The following LHX4 variants were observed in gnomAD, a reference collection of about 807,000 sequenced individuals.
The protein encoded by LHX4 is LIM/homeobox protein Lhx4.
A neutral mutation model predicts 39.2 loss-of-function variants in LHX4; 16 were observed. The ratio of observed to expected loss-of-function variants is 0.41; its 90% CI spans 0.28 to 0.62. The LOEUF is 0.62. LHX4 is among the 20% of genes least tolerant of loss of function. The pLI is 0.33. For missense variants in LHX4, 439 were observed against 511.9 expected, an observed-to-expected ratio of 0.86 and a Z score of 1.37; for synonymous variants, 206 against 198.1, an observed-to-expected ratio of 1.04 and a Z score of -0.33.
At chr1:180,258,416 A>G (rs1647960428) in intron 2 of LHX4, among the ~76,000 whole-genome samples, 1 of 152,164 alleles carries the variant, frequency 6.6e-6, no homozygotes, top group African/African-American at 2.4e-5. Flanking sequence ...GGTGGCCGTT[A>G]GGGAGCCTGT....
At chr1:180,274,155 G>A in intron 5 of LHX4, 30 bp from the exon 6 acceptor site, 1 of 1,613,992 alleles carries the variant, frequency 6.2e-7, no homozygotes, top group Non-Finnish European at 8.5e-7. Flanking sequence ...CCTGGCAGCT[G>A]ACAATAAATC....
intron 1 of LHX4, among the ~76,000 whole-genome samples, chr1:180,237,289 C>T (rs949577667): frequency 1.3e-5 from 2 of 152,164 alleles, no homozygotes; most frequent in Non-Finnish European, 2.9e-5. Flanking sequence ...TTTCTAGGCG[C>T]CCTGGGAGGG....
chr1:180,250,752 A>C (rs7539240), intron 2 of LHX4, among the ~76,000 whole-genome samples: 61,421 of 151,838 alleles, frequency 0.4, 12,658 homozygotes, highest in South Asian at 0.53. Context: ...GTGGCTGGCT[A>C]TGGTTTGGAA....
In LHX4 at chr1:180,259,482, G is replaced by A. The variant is rs558332267; in HGVS notation, c.249-6910G>A. Among the ~76,000 whole-genome samples the A allele has an allele frequency of 9.9e-5, 15 of 151,920 alleles. 1 individual carries two copies. Among genetic ancestry groups the A allele is most frequent in the South Asian group, 2.1e-4 (1 of 4,824 alleles). ...GGTGGCAGGCAGGGGCTGGGGCCCC[G>A]GGTGTGCGAGTGGAAGGCACAGTGG... On this transcript the variant is annotated intron_variant, in intron 2 of 5. Transcript: ENST00000263726.
At position 180,234,169 on chromosome 1, in the gene LHX4, TTATATATATATATATATATATATATA is replaced by T. The variant is rs777438399; in HGVS notation, c.76+3591_76+3616del. ...AACAGACACACACAACACACACAAA[TTATATATATATATATATATATATATA>T]TATATATATATATATATATATATAT... On this transcript the variant is annotated intron_variant, in intron 1 of 5. Coordinates refer to ENST00000263726, the MANE Select transcript of LHX4 (RefSeq NM_033343.4). This position sits in a 1 kb window ranked among gnomAD's most constrained non-coding sequence, Gnocchi z 4.8. Among the ~76,000 whole-genome samples, 149 of 53,598 alleles carry T rather than the reference TTATATATATATATATATATATATATA, an allele frequency of 2.8e-3. 6 individuals are homozygous for T. Among genetic ancestry groups the T allele is most frequent in the Middle Eastern group, 0.019 (1 of 54 alleles). The allele number at this position is 53,598 out of a possible 152,430, so 35.2% of individuals were successfully genotyped here.
chr1:180,267,608 G>A (rs1378165874), intron 3 of LHX4, among the ~76,000 whole-genome samples: 2 of 152,230 alleles, frequency 1.3e-5, no homozygotes, highest in East Asian at 1.9e-4. Flanking sequence ...CCTCAGAGGT[G>A]TGAACGCACA....
rs1647503092 is a variant in LHX4 at position 180,249,224 on chromosome 1, C to T, written c.248+768C>T. Among the ~76,000 whole-genome samples the T allele has an allele frequency of 2.0e-5, 3 of 152,190 alleles. No homozygotes were observed. The South Asian group carries it at 6.2e-4, about 32-fold the overall frequency. On this transcript the variant is annotated intron_variant, in intron 2 of 5. Transcript: ENST00000263726. ...ATCAAGTCCTCAGGACAGTGCCTGACACTTGAGTGTTAGCTCTTAAGACTG... is the reference window on the plus strand; with the variant it reads ...ATCAAGTCCTCAGGACAGTGCCTGATACTTGAGTGTTAGCTCTTAAGACTG...
chr1:180,244,742 TG>T (rs1190718267), intron 1 of LHX4, among the ~76,000 whole-genome samples: 25 of 152,320 alleles, frequency 1.6e-4, no homozygotes, highest in African/African-American at 4.6e-4. Flanking sequence ...TGCAAGGAGT[TG>T]GGCTAGCTCC....
At chr1:180,261,824 C>T (rs1424134383) in intron 2 of LHX4, among the ~76,000 whole-genome samples, 2 of 152,164 alleles carry the variant, frequency 1.3e-5, no homozygotes, top group Non-Finnish European at 2.9e-5. Flanking sequence ...AAGGAACTGC[C>T]AACCAGGACT....
Position 180,232,248 on chromosome 1 carries a change from G to T in LHX4, c.76+1643G>T, listed in dbSNP as rs1004543963. 2.0e-5 allele frequency among the ~76,000 whole-genome samples: 3 copies of T among 152,184 alleles called. No homozygotes were observed. The highest frequency in any genetic ancestry group is 4.4e-5 in the Non-Finnish European group (3 of 68,032). On this transcript the variant is annotated intron_variant, in intron 1 of 5. Transcript: ENST00000263726. This position sits in a 1 kb window ranked among gnomAD's most constrained non-coding sequence, Gnocchi z 5.4. ...GTGTTACTAGTGTCCTTGGTACCCA[G>T]TACGTCTGTGCTTTCATGGCTGTGG...
intron 5 of LHX4, 72 bp downstream of exon 5, chr1:180,272,078 A>G (rs1648706438): frequency 2.1e-6 from 3 of 1,421,512 alleles, no homozygotes; most frequent in African/African-American, 1.4e-5. Flanking sequence ...CCTGGCACTC[A>G]GGAGGGATCT....
In LHX4 at chr1:180,234,171, A is replaced by T. The variant is rs1443923216; in HGVS notation, c.76+3566A>T. On this transcript the variant is annotated intron_variant, in intron 1 of 5. Transcript: ENST00000263726. This position sits in a 1 kb window ranked among gnomAD's most constrained non-coding sequence, Gnocchi z 4.8. ...CAGACACACACAACACACACAAATT[A>T]TATATATATATATATATATATATAT... Among the ~76,000 whole-genome samples, 67 of 5,434 alleles carry T rather than the reference A, an allele frequency of 0.012. 1 individual carries two copies. The highest frequency in any genetic ancestry group is 0.041 in the African/African-American group (40 of 974). 3.6% of individuals were successfully genotyped at this position (5,434 alleles called of 152,430 possible). A position where few individuals can be genotyped will look rare whatever the true frequency, so the allele number is the denominator to read the frequency against.
At chr1:180,233,443 G>A (rs1046057254) in intron 1 of LHX4, among the ~76,000 whole-genome samples, 1 of 152,204 alleles carries the variant, frequency 6.6e-6, no homozygotes, top group African/African-American at 2.4e-5. Context: ...GGGCTGTAGG[G>A]ACGTCGAGAT....
rs570791444 is a variant in LHX4 at position 180,247,519 on chromosome 1, C to A, written c.77-766C>A. Among the ~76,000 whole-genome samples, 11 of 152,290 alleles carry A rather than the reference C, an allele frequency of 7.2e-5. No homozygotes were observed. The South Asian group carries it at 2.3e-3, about 32-fold the overall frequency. On this transcript the variant is annotated intron_variant, in intron 1 of 5. Coordinates refer to ENST00000263726, the MANE Select transcript of LHX4 (RefSeq NM_033343.4). ...GCACACCAGCACAATGGGAGCCTGCCCCTCAGCTATCCTGACATTTAGCTC... is the reference window on the plus strand; with the variant it reads ...GCACACCAGCACAATGGGAGCCTGCACCTCAGCTATCCTGACATTTAGCTC...
At chr1:180,255,978 G>T (rs1290570247) in intron 2 of LHX4, among the ~76,000 whole-genome samples, 2 of 152,194 alleles carry the variant, frequency 1.3e-5, no homozygotes, top group African/African-American at 2.4e-5. Flanking sequence ...CCCTCTTTTG[G>T]CCCAGGCACA....
chr1:180,249,363 C>T (rs960590789), intron 2 of LHX4, among the ~76,000 whole-genome samples: 4 of 152,190 alleles, frequency 2.6e-5, no homozygotes, highest in Non-Finnish European at 5.9e-5. Context: ...TCCTTGACTT[C>T]TCTCCCAGAA....
At chr1:180,229,959 C>CGGAGGCGCG (rs1238306398), upstream of LHX4, among the ~76,000 whole-genome samples, 2 of 22,744 alleles carry the variant, frequency 8.8e-5, no homozygotes, top group African/African-American at 5.5e-4. Context: ...GAGGCGGAGG[C>CGGAGGCGCG]GGGGAGGGGG....
chr1:180,250,627 C>G (rs773534905), intron 2 of LHX4, among the ~76,000 whole-genome samples: 2 of 152,158 alleles, frequency 1.3e-5, no homozygotes, highest in Non-Finnish European at 2.9e-5. Flanking sequence ...CTCAGGGAAG[C>G]CTGTGGGGTA....
At chr1:180,273,888 G>C (rs1188109635) in intron 5 of LHX4, 1 of 443,006 alleles carries the variant, frequency 2.3e-6, no homozygotes, top group Non-Finnish European at 4.2e-6. Context: ...ATCCTCCTCA[G>C]TGTAGCCAGA....
Sources: allele counts gnomAD v4.1 joint callset (sites outside exome capture counted in the v4.1 genomes callset), GRCh38; gene constraint gnomAD v4.1.1; non-coding constraint Gnocchi (gnomAD v3.1); transcripts MANE v1.5; gene names NCBI Gene and HGNC (gene_info 2026-07-23, HGNC 2026-07-21).